PTPRT: variants seen among roughly 807,000 people sequenced by gnomAD.
The protein encoded by PTPRT is protein tyrosine phosphatase receptor type T.
A neutral mutation model predicts 176.8 loss-of-function variants in PTPRT; 56 were observed. That is an observed-to-expected ratio of 0.32 (90% CI 0.26 to 0.40). The LOEUF (loss-of-function observed/expected upper bound fraction) is 0.40, where lower values mean the gene tolerates loss of function less well. Ranked by LOEUF, PTPRT falls within the 10% of genes least tolerant of loss-of-function variation. The probability of loss-of-function intolerance (pLI) is 1.00; values close to 1 mark genes in which losing one functional copy is unlikely to be tolerated. For synonymous variants in PTPRT, 783 were observed against 739.0 expected, an observed-to-expected ratio of 1.06 and a Z score of -0.96; for missense variants, 1,540 against 1,908.2, an observed-to-expected ratio of 0.81 and a Z score of 3.60.
chr20:42,856,406 C>G (rs1410184010), intron 2 of PTPRT, among the ~76,000 whole-genome samples: 1 of 152,100 alleles, frequency 6.6e-6, no homozygotes, highest in Non-Finnish European at 1.5e-5. Flanking sequence ...CAGTAGGTTT[C>G]ACACGCAAAG....
intron 1 of PTPRT, among the ~76,000 whole-genome samples, chr20:42,911,681 A>G (rs994469591): frequency 2.6e-5 from 4 of 152,150 alleles, no homozygotes; most frequent in African/African-American, 7.2e-5. Flanking sequence ...TTTTTCTCCA[A>G]ATAATTTGAG....
chr20:42,238,912 A>G (rs1419741674), intron 14 of PTPRT, among the ~76,000 whole-genome samples: 2 of 152,214 alleles, frequency 1.3e-5, no homozygotes, highest in African/African-American at 4.8e-5. Context: ...AAGCTTGGGG[A>G]CAATAATTAT....
chr20:43,083,498 T>A (rs1231664830), intron 1 of PTPRT, among the ~76,000 whole-genome samples: 1 of 150,856 alleles, frequency 6.6e-6, no homozygotes, highest in African/African-American at 2.4e-5. Context: ...GTAGCTGGGA[T>A]TACAGTCACG....
intron 6 of PTPRT, among the ~76,000 whole-genome samples, chr20:42,697,296 G>A (rs2075895966): frequency 6.6e-6 from 1 of 152,158 alleles, no homozygotes; most frequent in South Asian, 2.1e-4. Flanking sequence ...TGTTATTGAA[G>A]GACACTGTCA....
chr20:42,524,687 T>C (rs1020927022), intron 7 of PTPRT, among the ~76,000 whole-genome samples: 2 of 152,216 alleles, frequency 1.3e-5, no homozygotes, highest in East Asian at 1.9e-4. Flanking sequence ...TAGAAAGTAC[T>C]TGGTCATCTC....
intron 2 of PTPRT, among the ~76,000 whole-genome samples, chr20:42,823,722 T>C (rs2077942699): frequency 2.0e-5 from 3 of 152,040 alleles, no homozygotes; most frequent in Non-Finnish European, 2.9e-5. Flanking sequence ...ACTTACATTA[T>C]TCAATATTGA....
intron 2 of PTPRT, among the ~76,000 whole-genome samples, chr20:42,831,315 G>C (rs1042134375): frequency 6.6e-6 from 1 of 152,102 alleles, no homozygotes; most frequent in Non-Finnish European, 1.5e-5. Context: ...TGGGATAACT[G>C]GCTAGCCATA....
chr20:42,442,378 T>C (rs1321542440), intron 9 of PTPRT, among the ~76,000 whole-genome samples: 2 of 152,192 alleles, frequency 1.3e-5, no homozygotes, highest in East Asian at 3.8e-4. Context: ...TATTGTACCT[T>C]TTAAAGGCGC....
chr20:42,572,806 C>T (rs2073180228), intron 7 of PTPRT, among the ~76,000 whole-genome samples: 1 of 152,110 alleles, frequency 6.6e-6, no homozygotes, highest in Admixed American at 6.6e-5. Context: ...CCACCTGGAG[C>T]AATAAAACAT....
intron 9 of PTPRT, among the ~76,000 whole-genome samples, chr20:42,382,286 C>T (rs1243135775): frequency 6.6e-6 from 1 of 152,140 alleles, no homozygotes; most frequent in Non-Finnish European, 1.5e-5. Context: ...CCTGAGCTAG[C>T]CTTTGCTGAG....
rs1357119647 is a variant in PTPRT at position 42,963,164 on chromosome 20, G to A, written c.89-77232C>T. Among the ~76,000 whole-genome samples the A allele has an allele frequency of 9.3e-5, 14 of 151,268 alleles. No individual in the cohort carries two copies. The East Asian group carries it at 2.1e-3, about 23-fold the overall frequency. On this transcript the variant is annotated intron_variant, in intron 1 of 30. Transcript: ENST00000373187. Reference sequence around the variant, plus strand: ...CAGTGAGCTTAGATCGCACCACTGCGCTCCAGCCTGGGTGACAGAGCAAGA... The same window carrying A: ...CAGTGAGCTTAGATCGCACCACTGCACTCCAGCCTGGGTGACAGAGCAAGA...
chr20:42,908,500 A>AT, intron 1 of PTPRT, among the ~76,000 whole-genome samples: 1 of 152,280 alleles, frequency 6.6e-6, no homozygotes, highest in Admixed American at 6.5e-5. Context: ...TCTCCCCTAC[A>AT]TTTCTGGACA....
At chr20:42,336,719 G>T (rs1427642784) in intron 11 of PTPRT, among the ~76,000 whole-genome samples, 1 of 152,012 alleles carries the variant, frequency 6.6e-6, no homozygotes, top group Non-Finnish European at 1.5e-5. Flanking sequence ...AAAAAAACTG[G>T]AAATGACCCA....
intron 1 of PTPRT, among the ~76,000 whole-genome samples, chr20:43,089,084 G>C (rs961546463): frequency 6.6e-6 from 1 of 152,078 alleles, no homozygotes; most frequent in Non-Finnish European, 1.5e-5. Flanking sequence ...TTATTTGAGG[G>C]CCAAATACCA....
chr20:42,850,049 G>C (rs566628729), intron 2 of PTPRT, among the ~76,000 whole-genome samples: 45 of 152,236 alleles, frequency 3.0e-4, no homozygotes, highest in African/African-American at 1.0e-3. Flanking sequence ...ATTTCTCCCT[G>C]GGCTGCATGT....
At chr20:42,739,545 A>G (rs1371949346) in intron 6 of PTPRT, among the ~76,000 whole-genome samples, 1 of 152,102 alleles carries the variant, frequency 6.6e-6, no homozygotes, top group African/African-American at 2.4e-5. Flanking sequence ...TGAGGAGAGG[A>G]GAAAGAAAGA....
chr20:42,194,351 C>A (rs1291439019), intron 16 of PTPRT, among the ~76,000 whole-genome samples: 1 of 152,166 alleles, frequency 6.6e-6, no homozygotes, highest in Admixed American at 6.5e-5. Context: ...TAGAGAAGGA[C>A]TGCCTTTACC....
At chr20:42,146,510 A>G (rs1988874187) in intron 17 of PTPRT, among the ~76,000 whole-genome samples, 1 of 152,226 alleles carries the variant, frequency 6.6e-6, no homozygotes, top group Admixed American at 6.5e-5. Flanking sequence ...CCCAAAGCCA[A>G]GGTCCTTCTC....
At chr20:42,840,008 C>A (rs953532257) in intron 2 of PTPRT, among the ~76,000 whole-genome samples, 5 of 152,192 alleles carry the variant, frequency 3.3e-5, no homozygotes, top group Non-Finnish European at 7.3e-5. Context: ...TGCCGTAACA[C>A]AGTACCACAA....
Sources: allele counts gnomAD v4.1 joint callset (sites outside exome capture counted in the v4.1 genomes callset), GRCh38; gene constraint gnomAD v4.1.1; transcripts MANE v1.5; gene names NCBI Gene and HGNC (gene_info 2026-07-23, HGNC 2026-07-21).